The following METTL21A variants were observed in gnomAD, a reference collection of about 807,000 sequenced individuals.
The protein encoded by METTL21A is protein N-lysine methyltransferase METTL21A.
In METTL21A, 22 loss-of-function variants were observed where a neutral mutation model predicts 20.9. The ratio of observed to expected loss-of-function variants is 1.05; its 90% CI spans 0.75 to 1.50. The LOEUF is 1.50. METTL21A is among the 40% of genes most tolerant of loss of function. METTL21A has a pLI of 0.00. For missense variants in METTL21A, 271 were observed against 266.8 expected (o/e 1.02, Z -0.11); for synonymous variants, 93 against 102.0 (o/e 0.91, Z 0.53).
chr2:207,600,222 GTATAATA>G (rs1382071680), intron 3 of METTL21A: 1 of 150,836 alleles, frequency 6.6e-6, no homozygotes, highest in African/African-American at 2.7e-5. Flanking sequence ...GGTGGCATTT[GTATAATA>G]TATGTGTACA....
chr2:207,590,082 A>ATT (rs1201693112), intron 3 of METTL21A, among the ~76,000 whole-genome samples: 1 of 95,578 alleles, frequency 1.0e-5, no homozygotes. Flanking sequence ...TATTTTGAGA[A>ATT]GTTTTTTTTT....
chr2:207,607,665 C>T (rs1575096931), downstream of METTL21A, among the ~76,000 whole-genome samples: 1 of 148,978 alleles, frequency 6.7e-6, no homozygotes, highest in African/African-American at 2.5e-5. Flanking sequence ...CAGTGGGGTT[C>T]CAAGAACCTG....
At chr2:207,581,134 G>T (rs761017376), downstream of METTL21A, 5 of 213,604 alleles carry the variant, frequency 2.3e-5, no homozygotes, top group African/African-American at 6.8e-5. Context: ...AGGTTAAATG[G>T]ATTTGACCAT....
At chr2:207,607,909 G>T (rs989702664), downstream of METTL21A, among the ~76,000 whole-genome samples, 1 of 151,930 alleles carries the variant, frequency 6.6e-6, no homozygotes, top group African/African-American at 2.4e-5. Flanking sequence ...TAAAAAATAA[G>T]TCCCAACTTC....
intron 3 of METTL21A, among the ~76,000 whole-genome samples, chr2:207,588,297 ATT>A (rs1559068784): frequency 6.6e-6 from 1 of 152,076 alleles, no homozygotes; most frequent in Non-Finnish European, 1.5e-5. Flanking sequence ...TGAAAAGACT[ATT>A]CTTTCTCTAT....
intron 3 of METTL21A, among the ~76,000 whole-genome samples, chr2:207,617,210 T>A (rs915805435): frequency 3.3e-5 from 5 of 152,186 alleles, no homozygotes; most frequent in African/African-American, 1.2e-4. Flanking sequence ...TACTATGTGC[T>A]AGAGATACAA....
intron 3 of METTL21A, among the ~76,000 whole-genome samples, chr2:207,618,278 T>C (rs2090034052): frequency 6.6e-6 from 1 of 152,178 alleles, no homozygotes; most frequent in Admixed American, 6.5e-5. Context: ...TTCCCTCTTA[T>C]CTGCAAGGGA....
chr2:207,621,961 C>A, intron 2 of METTL21A, 44 bp from the exon 3 acceptor site: 1 of 1,547,492 alleles, frequency 6.5e-7, no homozygotes, highest in Non-Finnish European at 8.9e-7. Flanking sequence ...TCAACATGTG[C>A]TTGAGTAGCT....
chr2:207,584,202 C>CTGTATATTTAA, intron 3 of METTL21A, among the ~76,000 whole-genome samples: 1 of 152,206 alleles, frequency 6.6e-6, no homozygotes, highest in Non-Finnish European at 1.5e-5. Flanking sequence ...ATGTAACTAA[C>CTGTATATTTAA]TGTATATTTA....
intron 3 of METTL21A, chr2:207,601,505 T>G: frequency 5.1e-6 from 1 of 194,782 alleles, no homozygotes. Flanking sequence ...TTTATTCTTT[T>G]TCATCTTGGA....
intron 3 of METTL21A, among the ~76,000 whole-genome samples, chr2:207,614,462 GGTTACA>G (rs2089421258): frequency 1.3e-5 from 2 of 152,024 alleles, no homozygotes; most frequent in African/African-American, 4.8e-5. Context: ...TGTTTTGTAA[GGTTACA>G]GTTTAAAAAA....
chr2:207,593,887 T>G (rs2085581963), intron 3 of METTL21A, among the ~76,000 whole-genome samples: 1 of 151,900 alleles, frequency 6.6e-6, no homozygotes, highest in South Asian at 2.1e-4. Context: ...CCCAGCTAAT[T>G]TTTGTATTTT....
chr2:207,606,405 C>T (rs558657721), downstream of METTL21A, among the ~76,000 whole-genome samples: 2 of 152,258 alleles, frequency 1.3e-5, no homozygotes, highest in African/African-American at 4.8e-5. Context: ...TCACTTGAAC[C>T]CAGGAGGCGG....
At chr2:207,624,435 C>G (rs1325727247) in intron 1 of METTL21A, 31 bp from the exon 2 acceptor site, 1 of 1,552,732 alleles carries the variant, frequency 6.4e-7, no homozygotes, top group Non-Finnish European at 8.7e-7. Context: ...GGGTGACGCT[C>G]TGGCCAAAAG....
chr2:207,612,087 C>G (rs1234586657), downstream of METTL21A: 1 of 18,758 alleles, frequency 5.3e-5, no homozygotes, highest in Non-Finnish European at 9.0e-5. Context: ...ATTTCAGGTG[C>G]TTTTTTTTTT....
rs759199091 is a variant in METTL21A, at chr2:207,616,330, CATAG to C, written c.260-2891_260-2888del. On this transcript the variant is annotated intron_variant, in intron 3 of 3. Coordinates refer to ENST00000406927, the Ensembl canonical transcript of METTL21A. ...CACCTCAGTATTCATTTTACCAGCTCATAGATAAAGGCCTTCTCTAATGCCTGTC... is the reference window on the plus strand; with the variant it reads ...CACCTCAGTATTCATTTTACCAGCTCATAAAGGCCTTCTCTAATGCCTGTC... Among the ~76,000 whole-genome samples, 3 of 152,226 alleles carry C rather than the reference CATAG, an allele frequency of 2.0e-5. No homozygotes were observed. In the East Asian group the frequency reaches 5.8e-4, roughly 29 times the overall value.
intron 3 of METTL21A, among the ~76,000 whole-genome samples, 184 bp downstream of exon 3, chr2:207,621,622 G>C (rs2090489165): frequency 1.3e-5 from 2 of 152,172 alleles, no homozygotes; most frequent in South Asian, 4.1e-4. Context: ...ATTAGAGAGA[G>C]AGAAATTAGC....
intron 3 of METTL21A, among the ~76,000 whole-genome samples, chr2:207,616,983 A>G (rs2089846651): frequency 6.6e-6 from 1 of 152,212 alleles, no homozygotes; most frequent in South Asian, 2.1e-4. Flanking sequence ...GTCGGTGTCA[A>G]CCGTACATGA....
intron 3 of METTL21A, chr2:207,601,098 A>G (rs1017236546): frequency 1.8e-5 from 3 of 169,762 alleles, no homozygotes; most frequent in East Asian, 9.4e-5. Flanking sequence ...ATAGTGTTAC[A>G]TACCTTTTCA....
Sources: gnomAD v4.1 joint callset for allele counts (sites outside exome capture counted in the v4.1 genomes callset) on GRCh38, gnomAD v4.1.1 for gene constraint, MANE v1.5 for transcripts, NCBI Gene and HGNC (gene_info 2026-07-23, HGNC 2026-07-21) for gene names.